NF1: variants seen among roughly 807,000 people sequenced by gnomAD.
NF1 encodes the protein neurofibromin 1, also known as neurofibromin.
NF1 carries 122 observed loss-of-function variants against 325.7 expected under a neutral mutation model. The observed-to-expected ratio is 0.37, with a 90% confidence interval of 0.32 to 0.44. NF1 has a LOEUF of 0.44. Ranked by LOEUF, NF1 falls within the 20% of genes least tolerant of loss-of-function variation. The pLI is 1.00. For missense variants in NF1, 2,140 were observed against 3,415.4 expected (o/e 0.63, Z 9.31); for synonymous variants, 1,091 against 1,186.0 (o/e 0.92, Z 1.65).
chr17:31,360,422 T>C, intron 56 of NF1, 65 bp from the exon 57 acceptor site: 1 of 1,336,076 alleles, frequency 7.5e-7, no homozygotes, highest in Non-Finnish European at 1.1e-6. Flanking sequence ...ATTAATATTT[T>C]TGGCTTCAGA....
At chr17:31,301,068 A>T (rs2068563115) in intron 36 of NF1, among the ~76,000 whole-genome samples, 2 of 151,712 alleles carry the variant, frequency 1.3e-5, no homozygotes, top group Admixed American at 1.3e-4. Flanking sequence ...TTTAAGTTTT[A>T]ATTTTTTTTT....
intron 11 of NF1, among the ~76,000 whole-genome samples, chr17:31,204,826 T>C (rs1383699101): frequency 6.6e-6 from 1 of 152,138 alleles, no homozygotes; most frequent in Non-Finnish European, 1.5e-5. Flanking sequence ...TTTGTTACTT[T>C]AGGCTGATTA....
intron 30 of NF1, among the ~76,000 whole-genome samples, chr17:31,249,739 G>T (rs1341703387): frequency 1.3e-5 from 2 of 152,154 alleles, no homozygotes; most frequent in East Asian, 1.9e-4. Context: ...AGGGAATTCG[G>T]TCTATGTTCT....
At chr17:31,120,734 C>A (rs1443971329) in intron 1 of NF1, among the ~76,000 whole-genome samples, 2 of 151,644 alleles carry the variant, frequency 1.3e-5, no homozygotes, top group Non-Finnish European at 2.9e-5. Context: ...ATGAGTATAC[C>A]TATGTAACAA....
chr17:31,172,403 A>G (rs1232092594), intron 5 of NF1, among the ~76,000 whole-genome samples: 3 of 152,008 alleles, frequency 2.0e-5, no homozygotes, highest in Admixed American at 2.0e-4. Flanking sequence ...ACCTATCTGT[A>G]TATAGATATA....
In NF1 at chr17:31,376,612, T is replaced by A. The variant is rs905837836; in HGVS notation, c.*2457T>A. 6 of 232,908 alleles carry A rather than the reference T, an allele frequency of 2.6e-5. No individual in the cohort carries two copies. Among genetic ancestry groups the A allele is most frequent in the African/African-American group, 1.1e-4 (5 of 45,348 alleles). The allele number at this position is 232,908 out of a possible 1,614,324, so 14.4% of individuals were successfully genotyped here. A position where few individuals can be genotyped will look rare whatever the true frequency, so the allele number is the denominator to read the frequency against. On this transcript the variant is annotated 3_prime_UTR_variant, in exon 58 of 58. Transcript: ENST00000358273. ...ATGTGTCCCTTGAGAAATGCAACAC[T>A]TTTTTAGTCTTCATACTTGTAATCT...
intron 5 of NF1, among the ~76,000 whole-genome samples, chr17:31,172,879 C>T (rs1457246730): frequency 6.6e-6 from 1 of 152,078 alleles, no homozygotes; most frequent in Non-Finnish European, 1.5e-5. Flanking sequence ...GTTACCTGAA[C>T]TTCTGGGACT....
At chr17:31,193,679 C>G (rs1043231046) in intron 8 of NF1, among the ~76,000 whole-genome samples, 3 of 147,046 alleles carry the variant, frequency 2.0e-5, no homozygotes, top group Non-Finnish European at 4.4e-5. Flanking sequence ...AAAAACAAAA[C>G]AAAACAAAAC....
Position 31,155,959 on chromosome 17 carries a change from G to GT in NF1, c.61-14dup, listed in dbSNP as rs376172637. 18,627 of 1,265,908 alleles carry GT rather than the reference G, an allele frequency of 0.015. 31 individuals are homozygous for GT. The highest frequency in any genetic ancestry group is 0.038 in the African/African-American group (2,520 of 66,332). 78.4% of individuals were successfully genotyped at this position (1,265,908 alleles called of 1,614,324 possible). ...GTTTTTAAGGATAAGCTGTTAACGT[G>GT]TTTTTTTTTTCTTTTTTTTTCAGCT... On this transcript the variant is annotated intron_variant, in intron 1 of 57. Transcript: ENST00000358273.
chr17:31,162,995 A>G (rs1396967217), intron 3 of NF1, among the ~76,000 whole-genome samples, 191 bp from the exon 4 acceptor site: 1 of 152,162 alleles, frequency 6.6e-6, no homozygotes, highest in Non-Finnish European at 1.5e-5. Context: ...AGATGGAACC[A>G]TCCTCTTTAT....
At chr17:31,182,758 A>T in intron 8 of NF1, 93 bp downstream of exon 8, 3 of 1,231,474 alleles carry the variant, frequency 2.4e-6, no homozygotes, top group Non-Finnish European at 3.5e-6. Context: ...TATTTAAGCA[A>T]AGTATTTCAG....
chr17:31,237,656 C>CTTTTTT (rs34107657), intron 29 of NF1, among the ~76,000 whole-genome samples: 2 of 126,094 alleles, frequency 1.6e-5, no homozygotes, highest in Non-Finnish European at 3.3e-5. Flanking sequence ...CTCATGTCTA[C>CTTTTTT]TTTTTTTTTT....
intron 8 of NF1, chr17:31,182,903 C>G: frequency 1.7e-6 from 1 of 601,716 alleles, no homozygotes; most frequent in Non-Finnish European, 2.9e-6. Context: ...CCCTTAGTTT[C>G]ATTCTTTTGT....
At chr17:31,170,647 C>T (rs2065914659) in intron 5 of NF1, among the ~76,000 whole-genome samples, 1 of 152,010 alleles carries the variant, frequency 6.6e-6, no homozygotes, top group Non-Finnish European at 1.5e-5. Flanking sequence ...AATAAACGAT[C>T]AGAAGGAATT....
chr17:31,370,978 G>A (rs1302866993), intron 57 of NF1, among the ~76,000 whole-genome samples: 4 of 151,852 alleles, frequency 2.6e-5, no homozygotes, highest in Admixed American at 1.3e-4. Context: ...GGTCAAATAC[G>A]CTGACAAATT....
In NF1 at chr17:31,336,606, T is replaced by TAAA; in HGVS notation, c.6148-29_6148-28insAAA. The TAAA allele has an allele frequency of 1.4e-6, 2 of 1,457,062 alleles. No individual in the cohort carries two copies. Among genetic ancestry groups the TAAA allele is most frequent in the African/African-American group, 3.2e-5 (2 of 62,982 alleles). 90.3% of individuals were successfully genotyped at this position (1,457,062 alleles called of 1,614,324 possible). ...AACTTTGAGTCCCATGTTTTTTTTT[T>TAAA]TAAAAAAAAAAATCCTGCTTCTTTA... On this transcript the variant is annotated intron_variant, in intron 41 of 57. Coordinates refer to ENST00000358273, the MANE Select transcript of NF1 (RefSeq NM_001042492.3). The surrounding 1 kb of genome is among the most constrained non-coding windows in gnomAD (Gnocchi z 5.5).
At chr17:31,365,952 T>G (rs1055216960) in intron 57 of NF1, among the ~76,000 whole-genome samples, 11 of 150,154 alleles carry the variant, frequency 7.3e-5, no homozygotes, top group African/African-American at 2.5e-4. Flanking sequence ...TTTTTTTTTT[T>G]GAGATGGAGT....
At chr17:31,218,904 A>T (rs1332849588) in intron 13 of NF1, 101 bp from the exon 14 acceptor site, 8 of 1,228,462 alleles carry the variant, frequency 6.5e-6, no homozygotes, top group Non-Finnish European at 9.3e-6. Context: ...CCCCTAAAAG[A>T]AACTTGGTAC....
At chr17:31,150,891 A>G (rs1488750536) in intron 1 of NF1, among the ~76,000 whole-genome samples, 1 of 151,988 alleles carries the variant, frequency 6.6e-6, no homozygotes, top group Non-Finnish European at 1.5e-5. Flanking sequence ...AAAATTAGCC[A>G]GGCAATGGTG....
Sources: gnomAD v4.1 joint callset for allele counts (sites outside exome capture counted in the v4.1 genomes callset) on GRCh38, gnomAD v4.1.1 for gene constraint, Gnocchi (gnomAD v3.1) non-coding constraint, MANE v1.5 for transcripts, NCBI Gene and HGNC (gene_info 2026-07-23, HGNC 2026-07-21) for gene names.